Variants in ALK observed in about 807,000 individuals in gnomAD.
ALK encodes the protein ALK tyrosine kinase receptor.
A neutral mutation model predicts 163.1 loss-of-function variants in ALK; 74 were observed. The ratio of observed to expected loss-of-function variants is 0.45; its 90% CI spans 0.38 to 0.55. ALK has a LOEUF of 0.55. ALK is among the 20% of genes least tolerant of loss of function. The pLI is 0.00. For missense variants in ALK, 2,063 were observed against 2,105.3 expected (o/e 0.98, Z 0.39); for synonymous variants, 960 against 843.2 (o/e 1.14, Z -2.40).
chr2:29,822,541 G>A (rs959890148), intron 1 of ALK, among the ~76,000 whole-genome samples: 3 of 152,204 alleles, frequency 2.0e-5, no homozygotes, highest in East Asian at 1.9e-4. Flanking sequence ...ATGATCAGTG[G>A]CTAATGCCCA....
At chr2:29,520,713 C>T (rs1263813427) in intron 4 of ALK, among the ~76,000 whole-genome samples, 1 of 152,056 alleles carries the variant, frequency 6.6e-6, no homozygotes, top group Non-Finnish European at 1.5e-5. Flanking sequence ...GCTTGCTTCA[C>T]TTGGGGGCAA....
chr2:29,667,430 G>C lies in ALK; in HGVS notation c.952+27420C>G, dbSNP rs544416610. Among the ~76,000 whole-genome samples, 65 of 151,918 alleles carry C rather than the reference G, an allele frequency of 4.3e-4. 1 individual carries two copies. The highest frequency in any genetic ancestry group is 1.3e-3 in the African/African-American group (53 of 41,460). On this transcript the variant is annotated intron_variant, in intron 3 of 28. Transcript: ENST00000389048. Reference sequence around the variant, plus strand: ...AAAGGCTTTTAATTTTTTCCTATTCGGTACAATGTTAGCTGTGGGTTTCTC... The same window carrying C: ...AAAGGCTTTTAATTTTTTCCTATTCCGTACAATGTTAGCTGTGGGTTTCTC...
At position 29,912,070 on chromosome 2, in the gene ALK, C is replaced by T. The variant is rs7576702; in HGVS notation, c.667+7923G>A. Among the ~76,000 whole-genome samples, 652 of 152,022 alleles carry T rather than the reference C, an allele frequency of 4.3e-3. 6 individuals are homozygous for T. The highest frequency in any genetic ancestry group is 0.015 in the African/African-American group (622 of 41,446). On this transcript the variant is annotated intron_variant, in intron 1 of 28. Transcript: ENST00000389048. Reference sequence around the variant, plus strand: ...AGGTCAATAGAAATTGTTCAATCTACAGAACAAAGAGAAAAATTTCAAAAA... The same window carrying T: ...AGGTCAATAGAAATTGTTCAATCTATAGAACAAAGAGAAAAATTTCAAAAA...
chr2:29,648,520 C>T (rs772695886), intron 3 of ALK, among the ~76,000 whole-genome samples: 1 of 152,092 alleles, frequency 6.6e-6, no homozygotes, highest in African/African-American at 2.4e-5. Flanking sequence ...TCCCTCATTC[C>T]CCTAGTCTCT....
At chr2:29,434,156 G>C (rs1049705602) in intron 4 of ALK, among the ~76,000 whole-genome samples, 9 of 152,126 alleles carry the variant, frequency 5.9e-5, no homozygotes, top group Non-Finnish European at 2.9e-5. Flanking sequence ...TCCTTGGTTG[G>C]AAAGGGAATG....
At chr2:29,316,986 T>C (rs1403623090) in intron 8 of ALK, among the ~76,000 whole-genome samples, 1 of 152,260 alleles carries the variant, frequency 6.6e-6, no homozygotes, top group African/African-American at 2.4e-5. Flanking sequence ...TTGGTTTTAA[T>C]TTAACCACTC....
At chr2:29,791,087 C>G (rs1664173332) in intron 1 of ALK, among the ~76,000 whole-genome samples, 1 of 152,152 alleles carries the variant, frequency 6.6e-6, no homozygotes, top group African/African-American at 2.4e-5. Flanking sequence ...AAACACCTAA[C>G]AAAATGCCCA....
chr2:29,456,390 GA>G (rs1351625832), intron 4 of ALK, among the ~76,000 whole-genome samples: 6 of 151,762 alleles, frequency 4.0e-5, no homozygotes, highest in African/African-American at 1.2e-4. Context: ...CCTTAAAGAG[GA>G]AAAAAAATTT....
intron 4 of ALK, among the ~76,000 whole-genome samples, chr2:29,428,462 A>G (rs906394861): frequency 1.1e-4 from 17 of 151,986 alleles, no homozygotes; most frequent in African/African-American, 4.1e-4. Context: ...AATAAAAAGG[A>G]TTATAAAGGA....
intron 3 of ALK, among the ~76,000 whole-genome samples, chr2:29,619,683 G>C (rs1675971746): frequency 6.6e-6 from 1 of 152,164 alleles, no homozygotes; most frequent in Admixed American, 6.5e-5. Context: ...CCAGGAAAAT[G>C]GATTCTGTGT....
intron 4 of ALK, among the ~76,000 whole-genome samples, chr2:29,529,051 A>G (rs2148155789): frequency 6.6e-6 from 1 of 152,286 alleles, no homozygotes; most frequent in South Asian, 2.1e-4. Context: ...GCAACCAGGA[A>G]GGCAGCAGCT....
At chr2:29,765,004 C>T (rs1053116011) in intron 1 of ALK, among the ~76,000 whole-genome samples, 2 of 152,118 alleles carry the variant, frequency 1.3e-5, no homozygotes, top group African/African-American at 4.8e-5. Flanking sequence ...GGTGGCACCT[C>T]CTTCTCTCTC....
At chr2:29,739,208 C>T (rs549428567) in intron 1 of ALK, among the ~76,000 whole-genome samples, 68 of 123,338 alleles carry the variant, frequency 5.5e-4, no homozygotes, top group Admixed American at 1.2e-3. Flanking sequence ...CACTGTACTA[C>T]AGCCTAGGCA....
At chr2:29,542,321 A>G (rs1673434223) in intron 3 of ALK, among the ~76,000 whole-genome samples, 1 of 152,048 alleles carries the variant, frequency 6.6e-6, no homozygotes, top group Non-Finnish European at 1.5e-5. Context: ...TCCTTGAAAA[A>G]ATTACTCCCT....
chr2:29,771,798 TG>T (rs1268691012), intron 1 of ALK, among the ~76,000 whole-genome samples: 3 of 151,920 alleles, frequency 2.0e-5, no homozygotes, highest in African/African-American at 7.3e-5. Flanking sequence ...CCTCCCAAAG[TG>T]CTGGGATTAC....
chr2:29,461,986 C>T (rs938393376), intron 4 of ALK, among the ~76,000 whole-genome samples: 2 of 152,038 alleles, frequency 1.3e-5, no homozygotes, highest in Non-Finnish European at 2.9e-5. Context: ...AAGTTGATTC[C>T]ATCCCTCACG....
chr2:29,645,838 A>G (rs565151227), intron 3 of ALK, among the ~76,000 whole-genome samples: 10 of 152,012 alleles, frequency 6.6e-5, no homozygotes, highest in African/African-American at 2.4e-4. Context: ...CTACCTCATC[A>G]TCCTTTCTTT....
At chr2:29,297,695 C>T (rs1179084423) in intron 8 of ALK, among the ~76,000 whole-genome samples, 1 of 152,210 alleles carries the variant, frequency 6.6e-6, no homozygotes, top group Non-Finnish European at 1.5e-5. Flanking sequence ...AAGGAAGTTA[C>T]AACTGTGTTT....
chr2:29,772,504 C>T (rs1336153112), intron 1 of ALK, among the ~76,000 whole-genome samples: 4 of 152,096 alleles, frequency 2.6e-5, no homozygotes, highest in South Asian at 2.1e-4. Context: ...GTGGAGAATG[C>T]GAGTGGAGTG....
Sources: allele counts gnomAD v4.1 joint callset (sites outside exome capture counted in the v4.1 genomes callset), GRCh38; gene constraint gnomAD v4.1.1; transcripts MANE v1.5; gene names NCBI Gene and HGNC (gene_info 2026-07-23, HGNC 2026-07-21).